ARMCX4: variants seen among roughly 807,000 people sequenced by gnomAD.
The protein encoded by ARMCX4 is armadillo repeat containing X-linked 4, also known as armadillo repeat-containing X-linked protein 4.
Under a neutral mutation model 34.7 loss-of-function variants are expected in ARMCX4, and 3 were observed. That is an observed-to-expected ratio of 0.09 (90% CI 0.04 to 0.22). The LOEUF (loss-of-function observed/expected upper bound fraction) is 0.22, where lower values mean the gene tolerates loss of function less well. Among genes scored for constraint, ARMCX4 ranks in the 10% least tolerant of loss-of-function variants. The pLI is 1.00. For synonymous variants in ARMCX4, 513 were observed against 632.8 expected, an observed-to-expected ratio of 0.81 and a Z score of 2.84; for missense variants, 1,448 against 1,720.8, an observed-to-expected ratio of 0.84 and a Z score of 2.81.
chrX:101,472,957 A>G (rs1308671399), intron 4 of ARMCX4, among the ~76,000 whole-genome samples: 3 of 106,829 alleles, frequency 2.8e-5, no homozygotes, highest in Admixed American at 1.0e-4. Flanking sequence ...ACACATAACA[A>G]TATTAACTTT....
chrX:101,424,704 CT>C (rs1929496689), intron 2 of ARMCX4, among the ~76,000 whole-genome samples: 1 of 112,127 alleles, frequency 8.9e-6, no homozygotes, highest in East Asian at 2.8e-4. Flanking sequence ...TTACTCCCCC[CT>C]GTATCTTACA....
rs781885755 is a variant in ARMCX4, at chrX:101,441,847, G to A, written n.165-2205G>A. 4.1e-4 allele frequency among the ~76,000 whole-genome samples: 46 copies of A among 111,591 alleles called. 1 individual carries two copies. The highest frequency in any genetic ancestry group is 7.3e-4 in the Non-Finnish European group (39 of 53,071). ...TATTGTTCCTGGACCAGGAACATCA[G>A]TAGTACTTGGACCTTGTTAGAGGTG... On this transcript the variant is annotated intron_variant and non_coding_transcript_variant, in intron 2 of 3. Coordinates refer to the ARMCX4 transcript ENST00000430461.
At chrX:101,503,121 T>C (rs192841799) in intron 7 of ARMCX4, among the ~76,000 whole-genome samples, 1,856 of 109,933 alleles carry the variant, frequency 0.017, 36 homozygotes, top group African/African-American at 0.058. Flanking sequence ...GAATTCATCC[T>C]TTTTTATGGC....
chrX:101,432,600 G>A (rs1412732250), intron 2 of ARMCX4, among the ~76,000 whole-genome samples: 1 of 109,098 alleles, frequency 9.2e-6, no homozygotes, highest in East Asian at 2.9e-4. Flanking sequence ...GGCAGAGGTT[G>A]CAGTGAGCCG....
intron 2 of ARMCX4, among the ~76,000 whole-genome samples, chrX:101,424,025 G>A (rs1929449337): frequency 9.0e-6 from 1 of 110,658 alleles, no homozygotes; most frequent in Non-Finnish European, 1.9e-5. Flanking sequence ...CACCACGCCT[G>A]GCAAATTTTG....
intron 4 of ARMCX4, among the ~76,000 whole-genome samples, chrX:101,469,129 A>G (rs1932847011): frequency 8.9e-6 from 1 of 112,566 alleles, no homozygotes. Context: ...CAGAGCTACA[A>G]GTAACCAATA....
intron 2 of ARMCX4, among the ~76,000 whole-genome samples, chrX:101,431,312 G>A (rs1929980092): frequency 9.0e-6 from 1 of 111,439 alleles, no homozygotes; most frequent in African/African-American, 3.3e-5. Context: ...CCAGGATAAG[G>A]CAAACAAAAA....
chrX:101,529,807 T>C (rs1316427757), intron 11 of ARMCX4, among the ~76,000 whole-genome samples: 1 of 111,800 alleles, frequency 8.9e-6, no homozygotes, highest in Non-Finnish European at 1.9e-5. Flanking sequence ...CTAGTTAGAA[T>C]GGCAATCATT....
At chrX:101,478,854 CAT>C (rs1399850608) in intron 4 of ARMCX4, among the ~76,000 whole-genome samples, 9 of 111,141 alleles carry the variant, frequency 8.1e-5, no homozygotes, top group African/African-American at 2.6e-4. Flanking sequence ...GAAATAGAAA[CAT>C]GTGGCTAAAA....
At chrX:101,497,756 C>A (rs1934211280), downstream of ARMCX4, among the ~76,000 whole-genome samples, 1 of 111,448 alleles carries the variant, frequency 9.0e-6, no homozygotes, top group African/African-American at 3.3e-5. Context: ...ATTTGTAAAG[C>A]AATAAGTGTT....
intron 4 of ARMCX4, among the ~76,000 whole-genome samples, chrX:101,455,395 TAGTA>T (rs1932221668): frequency 1.8e-5 from 2 of 112,091 alleles, no homozygotes; most frequent in Admixed American, 1.9e-4. Flanking sequence ...GCTTAAATCT[TAGTA>T]AGGACATTAA....
downstream of ARMCX4, among the ~76,000 whole-genome samples, chrX:101,534,580 G>A (rs1935188985): frequency 9.0e-6 from 1 of 110,659 alleles, no homozygotes; most frequent in South Asian, 3.8e-4. Context: ...ACAAACATAT[G>A]TGGATGTTTA....
intron 11 of ARMCX4, among the ~76,000 whole-genome samples, chrX:101,512,781 T>C (rs868931498): frequency 2.9e-5 from 3 of 102,651 alleles, no homozygotes; most frequent in African/African-American, 1.1e-4. Context: ...CACATATATA[T>C]ATACACATAT....
downstream of ARMCX4, among the ~76,000 whole-genome samples, chrX:101,449,680 A>G (rs1227740584): frequency 1.8e-5 from 2 of 112,292 alleles, no homozygotes; most frequent in Non-Finnish European, 3.8e-5. Flanking sequence ...TCTAAAAGAT[A>G]GCATGTCTCT....
intron 8 of ARMCX4, among the ~76,000 whole-genome samples, chrX:101,506,822 T>A (rs782561688): frequency 9.9e-5 from 11 of 111,296 alleles, no homozygotes; most frequent in Admixed American, 4.8e-4. Context: ...TAGGGTACCA[T>A]AACAATTACA....
At chrX:101,461,554 A>G (rs1556001207) in intron 4 of ARMCX4, among the ~76,000 whole-genome samples, 1 of 111,540 alleles carries the variant, frequency 9.0e-6, no homozygotes, top group African/African-American at 3.3e-5. Context: ...TCTCTGTTTC[A>G]TTTCTTTTGG....
At chrX:101,514,889 A>C (rs1934673413) in intron 11 of ARMCX4, among the ~76,000 whole-genome samples, 1 of 111,740 alleles carries the variant, frequency 8.9e-6, no homozygotes, top group Non-Finnish European at 1.9e-5. Flanking sequence ...TTAGGGGTTT[A>C]AATTCCTTAA....
chrX:101,487,525 C>T lies in ARMCX4; in HGVS notation c.-286-83C>T, dbSNP rs1933794438. 1.5e-5 allele frequency: 6 copies of T among 397,579 alleles called. No individual in the cohort carries two copies. The Admixed American group carries it at 2.1e-4, about 14-fold the overall frequency. 32.8% of individuals were successfully genotyped at this position (397,579 alleles called of 1,213,427 possible). ...AGAACCTGGGCTCTGGCGAGGCAGA[C>T]ATTGGGGTCAGGGATCAGGTTGCTT... is the stretch of plus-strand genomic sequence containing the variant. On this transcript the variant is annotated intron_variant, in intron 3 of 5. Transcript: ENST00000423738.
intron 4 of ARMCX4, among the ~76,000 whole-genome samples, chrX:101,480,427 G>T (rs192133939): frequency 4.8e-4 from 53 of 110,868 alleles, no homozygotes; most frequent in African/African-American, 1.5e-3. Flanking sequence ...TTAGCTGGGC[G>T]TGGTGCCATG....
Sources: allele counts gnomAD v4.1 joint callset (sites outside exome capture counted in the v4.1 genomes callset), GRCh38; gene constraint gnomAD v4.1.1; transcripts MANE v1.5; gene names NCBI Gene and HGNC (gene_info 2026-07-23, HGNC 2026-07-21).